Variants in RAB14 observed in about 807,000 individuals in gnomAD.
The protein encoded by RAB14 is RAB14, member RAS oncogene family.
In RAB14, 3 loss-of-function variants were observed where a neutral mutation model predicts 31.1. That is an observed-to-expected ratio of 0.10 (90% CI 0.04 to 0.25). The LOEUF is 0.25. RAB14 is among the 10% of genes least tolerant of loss of function. The probability of loss-of-function intolerance (pLI) is 1.00; values close to 1 mark genes in which losing one functional copy is unlikely to be tolerated. For synonymous variants in RAB14, 85 were observed against 84.9 expected (o/e 1.00, Z 0.00); for missense variants, 111 against 260.1 (o/e 0.43, Z 3.94).
intron 1 of RAB14, among the ~76,000 whole-genome samples, chr9:121,198,583 GAT>G (rs2053731651): frequency 6.6e-6 from 1 of 152,156 alleles, no homozygotes; most frequent in Non-Finnish European, 1.5e-5. Flanking sequence ...TATTTCCACT[GAT>G]AAGTTTTTTG....
At chr9:121,185,388 C>T (rs890029182) in intron 5 of RAB14, among the ~76,000 whole-genome samples, 1 of 152,120 alleles carries the variant, frequency 6.6e-6, no homozygotes, top group African/African-American at 2.4e-5. Flanking sequence ...AGCCCTTATT[C>T]AGATTTCAGT....
At chr9:121,192,312 A>C in intron 2 of RAB14, 88 bp from the exon 3 acceptor site, 2 of 943,808 alleles carry the variant, frequency 2.1e-6, no homozygotes, top group Non-Finnish European at 3.0e-6. Flanking sequence ...ATAACATATC[A>C]CAAGTTTCTG....
intron 1 of RAB14, among the ~76,000 whole-genome samples, chr9:121,197,690 G>A (rs1225298542): frequency 1.3e-5 from 2 of 152,168 alleles, no homozygotes; most frequent in East Asian, 3.8e-4. Flanking sequence ...GTGGAAATGT[G>A]CCAACATTTT....
At chr9:121,200,718 C>G (rs1179292244) in intron 1 of RAB14, among the ~76,000 whole-genome samples, 4 of 152,180 alleles carry the variant, frequency 2.6e-5, no homozygotes, top group Admixed American at 6.5e-5. Flanking sequence ...AACCACCAGC[C>G]ACAGTGTGAG....
At chr9:121,195,244 C>T (rs866632187) in intron 1 of RAB14, among the ~76,000 whole-genome samples, 7 of 152,026 alleles carry the variant, frequency 4.6e-5, no homozygotes, top group Admixed American at 2.0e-4. Flanking sequence ...TGAATTCTTC[C>T]GACTCTTCTA....
intron 5 of RAB14, 26 bp from the exon 6 acceptor site, chr9:121,183,424 C>G (rs374975966): frequency 2.0e-6 from 3 of 1,508,994 alleles, no homozygotes; most frequent in Non-Finnish European, 2.7e-6. Flanking sequence ...AAGAAAGACA[C>G]CTTGTAACAA....
chr9:121,199,346 A>C (rs1209923022), intron 1 of RAB14, among the ~76,000 whole-genome samples: 2 of 152,216 alleles, frequency 1.3e-5, no homozygotes, highest in African/African-American at 2.4e-5. Context: ...CTAGAATAAG[A>C]AGCTTTTTAA....
At position 121,190,345 on chromosome 9, in the gene RAB14, C is replaced by A. The variant is rs111246623; in HGVS notation, c.284+209G>T. On this transcript the variant is annotated intron_variant, in intron 4 of 7. Transcript: ENST00000373840. The stretch of plus-strand genomic sequence containing the variant: ...TATTAGCTTCACCCAATAACTAACT[C>A]CCTAAATTTTTCTTCAGTCATAAAA... Among the ~76,000 whole-genome samples the A allele has an allele frequency of 8.4e-3, 1,281 of 152,176 alleles. 22 individuals carry two copies. The highest frequency in any genetic ancestry group is 0.029 in the African/African-American group (1,218 of 41,516).
rs1219973829 is a variant in RAB14 at position 121,180,803 on chromosome 9, A to T, written c.*593T>A. The T allele has an allele frequency of 6.6e-6, 1 of 152,662 alleles. No homozygotes were observed. Among genetic ancestry groups the T allele is most frequent in the Non-Finnish European group, 1.5e-5 (1 of 68,036 alleles). The allele number at this position is 152,662 out of a possible 1,614,324, so 9.5% of individuals were successfully genotyped here. A position where few individuals can be genotyped will look rare whatever the true frequency, so the allele number is the denominator to read the frequency against. The stretch of plus-strand genomic sequence containing the variant: ...TGGTATAAAAAAAGATAAAGCTATT[A>T]ATTAAGCACGAGAGAGAAGATAAAT... On this transcript the variant is annotated 3_prime_UTR_variant, in exon 8 of 8. Coordinates refer to ENST00000373840, the MANE Select transcript of RAB14 (RefSeq NM_016322.4).
intron 1 of RAB14, among the ~76,000 whole-genome samples, chr9:121,195,668 C>T (rs1009722855): frequency 1.5e-4 from 23 of 152,102 alleles, no homozygotes; most frequent in African/African-American, 5.6e-4. Context: ...AGGGCTCTGT[C>T]TCACCACACC....
chr9:121,201,213 G>C (rs994817450), intron 1 of RAB14, among the ~76,000 whole-genome samples: 4 of 152,226 alleles, frequency 2.6e-5, no homozygotes, highest in Non-Finnish European at 4.4e-5. Context: ...TCTGGGGCTT[G>C]CGGGCTGCAG....
rs2053627620 is a variant in RAB14, at chr9:121,180,631, T to C, written c.*765A>G. The C allele has an allele frequency of 6.5e-6, 1 of 152,672 alleles. No homozygotes were observed. 9.5% of individuals were successfully genotyped at this position (152,672 alleles called of 1,614,324 possible). ...GAGTAACATGGTCACATATAGGTCA[T>C]ACTGTACAAACTGGTATTTTATACT... On this transcript the variant is annotated 3_prime_UTR_variant, in exon 8 of 8. Transcript: ENST00000373840.
At chr9:121,189,991 C>T (rs1203478745) in intron 4 of RAB14, among the ~76,000 whole-genome samples, 1 of 152,002 alleles carries the variant, frequency 6.6e-6, no homozygotes, top group Admixed American at 6.6e-5. Flanking sequence ...CTTTGGAATT[C>T]CAGAAACAGT....
chr9:121,198,561 T>C (rs2053731529), intron 1 of RAB14, among the ~76,000 whole-genome samples: 1 of 152,238 alleles, frequency 6.6e-6, no homozygotes, highest in South Asian at 2.1e-4. Flanking sequence ...GTAATTTAAT[T>C]CTTATCCTTG....
intron 4 of RAB14, among the ~76,000 whole-genome samples, chr9:121,189,714 T>C (rs988648150): frequency 1.4e-4 from 22 of 152,244 alleles, no homozygotes; most frequent in Middle Eastern, 3.4e-3. Context: ...TTATGACACA[T>C]CAAGAGGAAA....
At chr9:121,194,938 T>C (rs1032935306) in intron 1 of RAB14, among the ~76,000 whole-genome samples, 6 of 152,168 alleles carry the variant, frequency 3.9e-5, no homozygotes, top group Non-Finnish European at 7.4e-5. Flanking sequence ...TGTTACCCAT[T>C]CCAGTTTGGC....
intron 1 of RAB14, among the ~76,000 whole-genome samples, chr9:121,199,952 G>C (rs1444652054): frequency 6.6e-6 from 1 of 152,188 alleles, no homozygotes; most frequent in Non-Finnish European, 1.5e-5. Context: ...CCCACTATGT[G>C]CCTGGCACTG....
At chr9:121,197,009 G>C (rs2053721079) in intron 1 of RAB14, among the ~76,000 whole-genome samples, 1 of 152,152 alleles carries the variant, frequency 6.6e-6, no homozygotes, top group South Asian at 2.1e-4. Flanking sequence ...TATAAAGTTT[G>C]TAAATGGTAG....
Position 121,178,862 on chromosome 9 carries a change from C to G in RAB14, c.*2534G>C, listed in dbSNP as rs999471036. ...CAACCTCAAGAGGCAGGTGACTGCA[C>G]AAGCAGTAAGCTATGGATTAAAAAT... On this transcript the variant is annotated 3_prime_UTR_variant, in exon 8 of 8. Transcript: ENST00000373840. 2.6e-5 allele frequency: 4 copies of G among 152,202 alleles called. No individual in the cohort carries two copies. The highest frequency in any genetic ancestry group is 6.5e-5 in the Admixed American group (1 of 15,286). The allele number at this position is 152,202 out of a possible 1,614,324, so 9.4% of individuals were successfully genotyped here. A position where few individuals can be genotyped will look rare whatever the true frequency, so the allele number is the denominator to read the frequency against.
Sources: gnomAD v4.1 joint callset for allele counts (sites outside exome capture counted in the v4.1 genomes callset) on GRCh38, gnomAD v4.1.1 for gene constraint, MANE v1.5 for transcripts, NCBI Gene and HGNC (gene_info 2026-07-23, HGNC 2026-07-21) for gene names.